WWC2: variants seen among roughly 807,000 people sequenced by gnomAD.
The protein encoded by WWC2 is WW and C2 domain containing 2, also known as protein WWC2.
WWC2 carries 101 observed loss-of-function variants against 138.5 expected under a neutral mutation model. The ratio of observed to expected loss-of-function variants is 0.73; its 90% confidence interval spans 0.62 to 0.86. The LOEUF (loss-of-function observed/expected upper bound fraction) is 0.86, where lower values mean the gene tolerates loss of function less well. Ranked by LOEUF, WWC2 falls within the 40% of genes least tolerant of loss-of-function variation. WWC2 has a pLI of 0.00. For synonymous variants in WWC2, 558 were observed against 538.4 expected (o/e 1.04, Z -0.50); for missense variants, 1,420 against 1,419.4 (o/e 1.00, Z -0.01).
rs759447256 is a variant in WWC2 at position 183,207,991 on chromosome 4, G to A, written c.280G>A (p.Gly94Arg). Residue 94 changes from glycine to arginine, a missense_variant, in exon 3 of 23, where the codon GGG (glycine) becomes AGG (arginine). By Grantham distance (125) the Gly-to-Arg change is moderately radical (BLOSUM62 -2). Coordinates refer to ENST00000403733, the MANE Select transcript of WWC2 (RefSeq NM_024949.6). ...QIEDPRKQWR[G>R]EQEKMLKDYL... is the part of the protein sequence containing the mutation. ...AGAAGATCCAAGAAAACAATGGAGGGGGGAACAGGAGAAGATGCTCAAGGA... is the reference window on the plus strand; with the variant it reads ...AGAAGATCCAAGAAAACAATGGAGGAGGGAACAGGAGAAGATGCTCAAGGA... 8 of 1,612,998 alleles carry A rather than the reference G, an allele frequency of 5.0e-6. No homozygotes were observed. In the South Asian group the frequency reaches 7.7e-5, roughly 16 times the overall value.
chr4:183,280,229 G>GTTTTTTTTTTTTTTTTTTTTTTTTTTTT (rs869235261), intron 16 of WWC2, among the ~76,000 whole-genome samples: 4 of 65,450 alleles, frequency 6.1e-5, no homozygotes, highest in Non-Finnish European at 8.0e-5. Context: ...GATAGCAGCT[G>GTTTTTTTTTTTTTTTTTTTTTTTTTTTT]TTTTTTTTTT....
intron 21 of WWC2, among the ~76,000 whole-genome samples, chr4:183,302,629 A>C (rs1301777312): frequency 6.6e-6 from 1 of 152,186 alleles, no homozygotes; most frequent in Non-Finnish European, 1.5e-5. Context: ...GTGAACAGGA[A>C]AGTTACCCTG....
intron 1 of WWC2, among the ~76,000 whole-genome samples, chr4:183,150,283 C>T (rs934593053): frequency 7.2e-5 from 11 of 152,164 alleles, no homozygotes; most frequent in South Asian, 2.1e-4. Context: ...CTGGTCCTAT[C>T]GCTTGCCATT....
chr4:183,205,749 A>G (rs1391325110), intron 2 of WWC2, among the ~76,000 whole-genome samples: 1 of 152,094 alleles, frequency 6.6e-6, no homozygotes, highest in African/African-American at 2.4e-5. Context: ...GTTAAGGTGT[A>G]ACTTTGCTGT....
At chr4:183,107,585 T>C (rs1321262641) in intron 1 of WWC2, among the ~76,000 whole-genome samples, 1 of 152,228 alleles carries the variant, frequency 6.6e-6, no homozygotes, top group Non-Finnish European at 1.5e-5. Context: ...TCTAGCCTTT[T>C]ATAGCTGTTG....
Position 183,199,260 on chromosome 4 carries a change from A to G in WWC2, c.241+5552A>G, listed in dbSNP as rs561452811. Among the ~76,000 whole-genome samples the G allele has an allele frequency of 6.6e-5, 10 of 152,302 alleles. No individual in the cohort carries two copies. In the Middle Eastern group the frequency reaches 0.01, roughly 155 times the overall value. On this transcript the variant is annotated intron_variant, in intron 2 of 22. Transcript: ENST00000403733. ...GGTAACCGGGGGTTTTGACTGGGGC[A>G]GGGAACGGGCCAGGTTCTTTTGTCG...
chr4:183,243,417 TTTG>T (rs1324407910), intron 5 of WWC2, among the ~76,000 whole-genome samples: 1 of 152,214 alleles, frequency 6.6e-6, no homozygotes, highest in Non-Finnish European at 1.5e-5. Flanking sequence ...GGAAATATCA[TTTG>T]TTTTATTTAG....
At chr4:183,302,921 G>C (rs1366876212) in intron 21 of WWC2, among the ~76,000 whole-genome samples, 4 of 152,040 alleles carry the variant, frequency 2.6e-5, no homozygotes, top group African/African-American at 7.2e-5. Flanking sequence ...AAAATTAGCT[G>C]GGCATGATGG....
chr4:183,130,358 G>A (rs1294634228), intron 1 of WWC2, among the ~76,000 whole-genome samples: 1 of 151,968 alleles, frequency 6.6e-6, no homozygotes, highest in Non-Finnish European at 1.5e-5. Context: ...CCATTCCTAA[G>A]TATCTTTAAA....
intron 21 of WWC2, among the ~76,000 whole-genome samples, chr4:183,293,700 T>G (rs1015028044): frequency 6.6e-6 from 1 of 152,176 alleles, no homozygotes; most frequent in Admixed American, 6.5e-5. Flanking sequence ...ATTAAAAAAT[T>G]TGTAAGTTAT....
chr4:183,217,013 G>A (rs768950396), intron 4 of WWC2, among the ~76,000 whole-genome samples: 5 of 152,168 alleles, frequency 3.3e-5, no homozygotes, highest in Admixed American at 1.3e-4. Flanking sequence ...AACATCAGAA[G>A]GGTAATGCCA....
rs761340767 is a variant in WWC2, at chr4:183,265,939, A to C, written c.2195A>C (p.His732Pro). 1 of 1,612,038 alleles carries C rather than the reference A, an allele frequency of 6.2e-7. No homozygotes were observed. Among genetic ancestry groups the C allele is most frequent in the East Asian group, 2.2e-5 (1 of 44,862 alleles). The change falls in exon 14 of 23, where the codon CAT becomes CCT. Residue 732 changes from histidine (H) to proline (P), a missense_variant. His to Pro is a moderately conservative substitution (Grantham distance 77, BLOSUM62 -2). Coordinates refer to ENST00000403733, the MANE Select transcript of WWC2 (RefSeq NM_024949.6). ...LRNLHAFLIP[H>P]TSKVYFRVAV... is the part of the protein sequence containing the mutation. ...AACCTTCATGCCTTCTTGATACCTC[A>C]TACTTCAAAAGTGTAAGTAAAATCA...
intron 1 of WWC2, among the ~76,000 whole-genome samples, chr4:183,131,634 T>A (rs1038015280): frequency 2.0e-5 from 3 of 152,226 alleles, no homozygotes; most frequent in African/African-American, 7.2e-5. Context: ...ACTTAATTGC[T>A]TGTTTTTTAA....
chr4:183,266,126 T>C (rs902597062), intron 14 of WWC2, among the ~76,000 whole-genome samples, 175 bp downstream of exon 14: 5 of 152,216 alleles, frequency 3.3e-5, no homozygotes, highest in African/African-American at 7.2e-5. Context: ...GGAAGACATA[T>C]TGAGTTTTAA....
At chr4:183,300,334 G>A (rs1738789060) in intron 21 of WWC2, among the ~76,000 whole-genome samples, 2 of 150,286 alleles carry the variant, frequency 1.3e-5, no homozygotes, top group African/African-American at 2.5e-5. Context: ...TTACAAAGCA[G>A]GAATTTCTTT....
At chr4:183,154,147 A>T (rs1442017024) in intron 1 of WWC2, among the ~76,000 whole-genome samples, 1 of 151,996 alleles carries the variant, frequency 6.6e-6, no homozygotes, top group Admixed American at 6.6e-5. Flanking sequence ...GATCTTTTTA[A>T]GCACATTTGT....
intron 7 of WWC2, among the ~76,000 whole-genome samples, chr4:183,249,664 A>G (rs1056077662): frequency 2.0e-5 from 3 of 152,372 alleles, no homozygotes; most frequent in Non-Finnish European, 4.4e-5. Flanking sequence ...TTACAGTATC[A>G]GGATATTTTT....
Position 183,261,181 on chromosome 4 carries a change from A to G in WWC2, c.1558A>G (p.Ser520Gly), listed in dbSNP as rs1737314494. The G allele has an allele frequency of 1.2e-6, 2 of 1,613,626 alleles. No individual in the cohort carries two copies. The highest frequency in any genetic ancestry group is 1.7e-6 in the Non-Finnish European group (2 of 1,179,790). ...CAAGTCCCCTAGCCAGCCTGGCCAG[A>G]GTGGACTCTGTGGAGTGGCAGCTGC... ...VVKSPSQPGQ[S>G]GLCGVAAAAT... The change falls in exon 11 of 23, where the codon AGT becomes GGT. Residue 520 changes from serine to glycine, a missense_variant. Coordinates refer to ENST00000403733, the MANE Select transcript of WWC2 (RefSeq NM_024949.6).
intron 14 of WWC2, among the ~76,000 whole-genome samples, chr4:183,268,258 C>T (rs114314529): frequency 0.014 from 2,136 of 152,242 alleles, 29 homozygotes; most frequent in South Asian, 0.023. Context: ...AGTTACCTCA[C>T]GCTCTTTCTA....
Sources: gnomAD v4.1 joint callset for allele counts (sites outside exome capture counted in the v4.1 genomes callset) on GRCh38, gnomAD v4.1.1 for gene constraint, MANE v1.5 for transcripts, NCBI Gene and HGNC (gene_info 2026-07-23, HGNC 2026-07-21) for gene names.